The following BRD4 variants were observed in gnomAD, a reference collection of about 807,000 sequenced individuals.
BRD4 encodes the protein bromodomain containing 4.
In BRD4, 16 loss-of-function variants were observed where a neutral mutation model predicts 142.1. The ratio of observed to expected loss-of-function variants is 0.11; its 90% CI spans 0.08 to 0.17. BRD4 has a LOEUF of 0.17. BRD4 is among the 10% of genes least tolerant of loss of function. The pLI, the probability that BRD4 is intolerant of heterozygous loss-of-function variation, is 1.00. For missense variants in BRD4, 1,424 were observed against 1,810.9 expected, an observed-to-expected ratio of 0.79 and a Z score of 3.88; for synonymous variants, 833 against 707.5, an observed-to-expected ratio of 1.18 and a Z score of -2.82.
rs551678720 is a variant in BRD4 at position 15,244,927 on chromosome 19, G to A, written c.2159-165C>T. Reference sequence around the variant, plus strand: ...GGATGAGTTGGTCATCACGGGAGAGGGAGAGACATGCGAGGCATCACCTAC... The same window carrying A: ...GGATGAGTTGGTCATCACGGGAGAGAGAGAGACATGCGAGGCATCACCTAC... On this transcript the variant is annotated intron_variant, in intron 11 of 19. Coordinates refer to ENST00000679869, the MANE Select transcript of BRD4 (RefSeq NM_001379291.1). The A allele has an allele frequency of 1.3e-5, 16 of 1,260,816 alleles. No homozygotes were observed. The South Asian group carries it at 2.2e-4, about 17-fold the overall frequency. The allele number at this position is 1,260,816 out of a possible 1,614,324, so 78.1% of individuals were successfully genotyped here.
intron 1 of BRD4, among the ~76,000 whole-genome samples, chr19:15,305,081 C>T (rs189024900): frequency 1.4e-5 from 2 of 145,674 alleles, no homozygotes; most frequent in Non-Finnish European, 3.0e-5. Context: ...TGCAATGGCG[C>T]GATCTCAGCA....
At chr19:15,330,732 A>G (rs2048149717) in intron 1 of BRD4, among the ~76,000 whole-genome samples, 1 of 152,218 alleles carries the variant, frequency 6.6e-6, no homozygotes, top group Non-Finnish European at 1.5e-5. Context: ...GCGCCACTGC[A>G]CTACAGCCTG....
rs367681236 is a variant in BRD4 at position 15,265,856 on chromosome 19, C to T, written c.560-213G>A. Among the ~76,000 whole-genome samples the T allele has an allele frequency of 5.3e-5, 8 of 152,302 alleles. No homozygotes were observed. The East Asian group carries it at 1.4e-3, about 26-fold the overall frequency. On this transcript the variant is annotated intron_variant, in intron 4 of 19. Transcript: ENST00000679869. ...AAACCGCACTTCCCATTTCCTAGGG[C>T]GTCCTGGCTGCAACTCCCAACTCAG...
At chr19:15,268,113 G>C (rs1309938524) in intron 3 of BRD4, 2 of 152,496 alleles carry the variant, frequency 1.3e-5, no homozygotes, top group East Asian at 3.9e-4. Flanking sequence ...AGTGGTGAGA[G>C]CTGAGACTTT....
chr19:15,319,966 T>C (rs1202871695), intron 1 of BRD4, among the ~76,000 whole-genome samples: 2 of 152,160 alleles, frequency 1.3e-5, no homozygotes, highest in Non-Finnish European at 2.9e-5. Flanking sequence ...AAGCCATCAA[T>C]AGCCCTTTAA....
At chr19:15,301,189 C>T (rs1159932916) in intron 1 of BRD4, among the ~76,000 whole-genome samples, 2 of 152,228 alleles carry the variant, frequency 1.3e-5, no homozygotes, top group African/African-American at 4.8e-5. Flanking sequence ...CCTCTACCTC[C>T]CCTGCATTGT....
Position 15,329,303 on chromosome 19 carries a change from G to T in BRD4, c.-35+2987C>A, listed in dbSNP as rs77172028. Among the ~76,000 whole-genome samples the T allele has an allele frequency of 8.0e-4, 122 of 152,152 alleles. No homozygotes were observed. The East Asian group carries it at 0.02, about 25-fold the overall frequency. On this transcript the variant is annotated intron_variant, in intron 1 of 19. Transcript: ENST00000679869. ...TGCCAGGAACATAAAGACAAACATG[G>T]TCTACTCTACAAGTTTATTCAAAAT... is the stretch of plus-strand genomic sequence containing the variant.
intron 1 of BRD4, among the ~76,000 whole-genome samples, chr19:15,290,193 G>A (rs1286607532): frequency 2.0e-5 from 3 of 152,058 alleles, no homozygotes; most frequent in Non-Finnish European, 2.9e-5. Flanking sequence ...AGCTCCCATC[G>A]AGGCCTCCTC....
At chr19:15,332,076 CAACGGCGCAGGCCGCCCCGGCCCGGAACG>C (rs1312662527) in intron 1 of BRD4, among the ~76,000 whole-genome samples, 185 bp downstream of exon 1, 1 of 145,344 alleles carries the variant, frequency 6.9e-6, no homozygotes, top group African/African-American at 2.5e-5. Context: ...GCCCCGACAC[CAACGGCGCAGGCCGCCCCGGCCCGGAACG>C]AACGGCGCGG....
chr19:15,258,269 T>C (rs2047434085), intron 7 of BRD4, among the ~76,000 whole-genome samples: 1 of 151,356 alleles, frequency 6.6e-6, no homozygotes, highest in South Asian at 2.1e-4. Context: ...GCATCCCATA[T>C]AACTGTGGTG....
At chr19:15,274,911 T>C (rs1426357927) in intron 1 of BRD4, among the ~76,000 whole-genome samples, 1 of 151,766 alleles carries the variant, frequency 6.6e-6, no homozygotes, top group African/African-American at 2.4e-5. Context: ...GCCCAGGCAG[T>C]GCAGTGGTGC....
chr19:15,313,429 T>A (rs986958901), intron 1 of BRD4, among the ~76,000 whole-genome samples: 3 of 147,964 alleles, frequency 2.0e-5, no homozygotes, highest in Non-Finnish European at 4.5e-5. Context: ...TCCCAGCACT[T>A]TGGGAGGCCG....
chr19:15,255,881 G>A (rs1307075174), intron 9 of BRD4, among the ~76,000 whole-genome samples, 183 bp downstream of exon 9: 5 of 152,212 alleles, frequency 3.3e-5, no homozygotes, highest in African/African-American at 1.2e-4. Flanking sequence ...CCTACAGAAA[G>A]AGGCAGAGAC....
At chr19:15,292,797 AAAAAAAAAAAAAAAAAAAG>A (rs1472891509) in intron 1 of BRD4, among the ~76,000 whole-genome samples, 12 of 139,992 alleles carry the variant, frequency 8.6e-5, no homozygotes, top group Non-Finnish European at 6.0e-5. Flanking sequence ...AAAAAAAAAA[AAAAAAAAAAAAAAAAAAAG>A]AAAGAAAGAA....
chr19:15,244,421 G>T lies in BRD4; in HGVS notation c.2391C>A (p.Pro797=). ...GCACCTGGGTGGCAATGAAGGGTGGGGGCGAGGACTTCATCGCCGGGGCTG... is the reference window on the plus strand; with the variant it reads ...GCACCTGGGTGGCAATGAAGGGTGGTGGCGAGGACTTCATCGCCGGGGCTG... ...QQAAPAMKSS[P]PPFIATQVPV... is the part of the protein sequence containing the mutation. The change falls in exon 13 of 20, where the codon CCC becomes CCA. Residue 797 remains proline (P), a synonymous_variant. Coordinates refer to ENST00000679869, the MANE Select transcript of BRD4 (RefSeq NM_001379291.1). 6.3e-7 allele frequency: 1 copy of T among 1,592,140 alleles called. No homozygotes were observed.
At position 15,277,384 on chromosome 19, in the gene BRD4, T is replaced by C. The variant is rs891177083; in HGVS notation, c.-34-4251A>G. Among the ~76,000 whole-genome samples, 7 of 152,302 alleles carry C rather than the reference T, an allele frequency of 4.6e-5. No homozygotes were observed. In the Middle Eastern group the frequency reaches 0.014, roughly 296 times the overall value. On this transcript the variant is annotated intron_variant, in intron 1 of 19. Transcript: ENST00000679869. The stretch of plus-strand genomic sequence containing the variant: ...GATGTCATGGTAAACTCAGATGGCA[T>C]TGCAGGAACTATCAGCACAAGGCAA...
intron 1 of BRD4, among the ~76,000 whole-genome samples, chr19:15,290,131 G>C (rs1344465494): frequency 2.0e-5 from 3 of 152,150 alleles, no homozygotes; most frequent in African/African-American, 7.2e-5. Flanking sequence ...CTGAAACCCA[G>C]AAAATGAAAT....
At chr19:15,275,364 T>C (rs1025049663) in intron 1 of BRD4, among the ~76,000 whole-genome samples, 4 of 152,048 alleles carry the variant, frequency 2.6e-5, no homozygotes, top group Admixed American at 2.6e-4. Context: ...ACTTTACAGA[T>C]AGGGAAACCA....
intron 11 of BRD4, chr19:15,253,630 G>A (rs2145562712): frequency 6.3e-7 from 1 of 1,596,868 alleles, no homozygotes. Context: ...GGTGATGGCA[G>A]GGCCAGCAGC....
Sources: gnomAD v4.1 joint callset for allele counts (sites outside exome capture counted in the v4.1 genomes callset) on GRCh38, gnomAD v4.1.1 for gene constraint, MANE v1.5 for transcripts, NCBI Gene and HGNC (gene_info 2026-07-23, HGNC 2026-07-21) for gene names.